RBFOX3: variants seen among roughly 807,000 people sequenced by gnomAD.
RBFOX3 encodes the protein RNA binding fox-1 homolog 3, also known as RNA binding protein fox-1 homolog 3.
Under a neutral mutation model 48.7 loss-of-function variants are expected in RBFOX3, and 17 were observed. That is an observed-to-expected ratio of 0.35 (90% CI 0.24 to 0.52). The LOEUF (loss-of-function observed/expected upper bound fraction) is 0.52. Among genes scored for constraint, RBFOX3 ranks in the 20% least tolerant of loss-of-function variants. The pLI is 0.94. For synonymous variants in RBFOX3, 212 were observed against 209.5 expected, an observed-to-expected ratio of 1.01 and a Z score of -0.10; for missense variants, 382 against 497.5, an observed-to-expected ratio of 0.77 and a Z score of 2.21.
chr17:79,365,958 A>T (rs10445218), intron 2 of RBFOX3, among the ~76,000 whole-genome samples: 1 of 152,222 alleles, frequency 6.6e-6, no homozygotes, highest in African/African-American at 2.4e-5. Flanking sequence ...CATCAGCGTC[A>T]TGACCACGCC....
chr17:79,189,852 A>G (rs951154331), intron 4 of RBFOX3, among the ~76,000 whole-genome samples: 2 of 152,158 alleles, frequency 1.3e-5, no homozygotes, highest in African/African-American at 2.4e-5. Flanking sequence ...TTGCTTGGAG[A>G]TGATGACTCC....
chr17:79,342,027 C>T (rs1285091415), intron 2 of RBFOX3, among the ~76,000 whole-genome samples: 1 of 152,268 alleles, frequency 6.6e-6, no homozygotes, highest in Admixed American at 6.5e-5. Flanking sequence ...CCCTCCCAGC[C>T]TCCCTGTGAG....
intron 2 of RBFOX3, among the ~76,000 whole-genome samples, chr17:79,435,147 GC>G (rs1407550412): frequency 6.6e-6 from 1 of 152,144 alleles, no homozygotes; most frequent in Non-Finnish European, 1.5e-5. Flanking sequence ...CAGCGTGTCT[GC>G]CCCCCACCTC....
At position 79,391,905 on chromosome 17, in the gene RBFOX3, TTCCC is replaced by T. The variant is rs1203137583; in HGVS notation, c.-174-84085_-174-84082del. 6.6e-5 allele frequency among the ~76,000 whole-genome samples: 10 copies of T among 151,906 alleles called. No individual in the cohort carries two copies. The highest frequency in any genetic ancestry group is 2.4e-4 in the African/African-American group (10 of 41,388). ...GCTGGACAAGCCCCAGGTCCCCTCC[TTCCC>T]GGTTCTGAAGCTCACAGGTCGCGGG... On this transcript the variant is annotated intron_variant, in intron 2 of 14. Transcript: ENST00000693108. The surrounding 1 kb of genome is among the most constrained non-coding windows in gnomAD (Gnocchi z 5.0).
chr17:79,583,653 G>A (rs1487628548), intron 1 of RBFOX3, among the ~76,000 whole-genome samples: 1 of 152,218 alleles, frequency 6.6e-6, no homozygotes, highest in African/African-American at 2.4e-5. Flanking sequence ...CTGAGGCCCA[G>A]AGGAGTGCAA....
intron 9 of RBFOX3, 119 bp downstream of exon 9, chr17:79,101,465 A>T: frequency 1.1e-6 from 1 of 895,324 alleles, no homozygotes; most frequent in South Asian, 1.5e-5. Context: ...GGGCTGGGAC[A>T]CTGGGGACGG....
chr17:79,094,398 A>G, intron 14 of RBFOX3, 53 bp downstream of exon 14: 1 of 1,362,042 alleles, frequency 7.3e-7, no homozygotes, highest in Non-Finnish European at 9.9e-7. Context: ...CTCACCACCC[A>G]TGCCCAGCTG....
intron 3 of RBFOX3, among the ~76,000 whole-genome samples, chr17:79,246,396 C>T (rs2063175326): frequency 6.6e-6 from 1 of 152,256 alleles, no homozygotes; most frequent in South Asian, 2.1e-4. Context: ...TCTTGGTCAC[C>T]TCCTCTTGCT....
chr17:79,236,551 C>T (rs1262589186), intron 3 of RBFOX3, among the ~76,000 whole-genome samples: 1 of 152,160 alleles, frequency 6.6e-6, no homozygotes, highest in Non-Finnish European at 1.5e-5. Flanking sequence ...TTGCCCTGCA[C>T]ATTCATTTTA....
At chr17:79,399,048 C>T (rs1315074309) in intron 2 of RBFOX3, among the ~76,000 whole-genome samples, 1 of 152,124 alleles carries the variant, frequency 6.6e-6, no homozygotes. Context: ...ACGGCAGAGG[C>T]AGGGTTGGAG....
intron 2 of RBFOX3, among the ~76,000 whole-genome samples, chr17:79,347,227 A>G (rs2083063373): frequency 6.6e-6 from 1 of 152,192 alleles, no homozygotes. Context: ...CTGTATAATA[A>G]CTTGCTCTTT....
At chr17:79,380,861 C>T (rs921697623) in intron 2 of RBFOX3, among the ~76,000 whole-genome samples, 1 of 151,874 alleles carries the variant, frequency 6.6e-6, no homozygotes, top group African/African-American at 2.4e-5. Context: ...CGTCGCTCCA[C>T]GAGGCACCTG....
At chr17:79,461,762 G>C (rs1474733965) in intron 2 of RBFOX3, among the ~76,000 whole-genome samples, 2 of 152,234 alleles carry the variant, frequency 1.3e-5, no homozygotes, top group Non-Finnish European at 2.9e-5. Flanking sequence ...CCAATCCAAT[G>C]ACTGGCATGT....
At chr17:79,378,722 A>G (rs2059529078) in intron 2 of RBFOX3, among the ~76,000 whole-genome samples, 1 of 152,184 alleles carries the variant, frequency 6.6e-6, no homozygotes, top group Non-Finnish European at 1.5e-5. Context: ...TAATGCAGCT[A>G]CTTCACACAA....
At chr17:79,426,427 T>C (rs1311162160) in intron 2 of RBFOX3, among the ~76,000 whole-genome samples, 1 of 152,110 alleles carries the variant, frequency 6.6e-6, no homozygotes, top group Non-Finnish European at 1.5e-5. Context: ...GTGACAACAA[T>C]GAAGAGACAA....
intron 1 of RBFOX3, among the ~76,000 whole-genome samples, chr17:79,513,985 C>A (rs1599011374): frequency 1.3e-5 from 2 of 152,308 alleles, no homozygotes; most frequent in East Asian, 3.9e-4. Context: ...GGCATGTGAC[C>A]AGACCTGCCA....
At chr17:79,503,265 C>T (rs926288795) in intron 1 of RBFOX3, among the ~76,000 whole-genome samples, 7 of 152,112 alleles carry the variant, frequency 4.6e-5, no homozygotes, top group Non-Finnish European at 1.0e-4. Context: ...ATGCATGGGG[C>T]GCCCAATTCA....
intron 4 of RBFOX3, among the ~76,000 whole-genome samples, chr17:79,202,173 CCGGGGTGT>C (rs1456587954): frequency 6.6e-6 from 1 of 152,094 alleles, no homozygotes; most frequent in Non-Finnish European, 1.5e-5. Flanking sequence ...GGAAGACACC[CCGGGGTGT>C]GGTGTGATCC....
chr17:79,161,044 C>T (rs1169874597), intron 4 of RBFOX3, among the ~76,000 whole-genome samples: 1 of 151,922 alleles, frequency 6.6e-6, no homozygotes, highest in African/African-American at 2.4e-5. Context: ...CTAGCAACAC[C>T]CAGGCAAGGA....
Sources: gnomAD v4.1 joint callset for allele counts (sites outside exome capture counted in the v4.1 genomes callset) on GRCh38, gnomAD v4.1.1 for gene constraint, Gnocchi (gnomAD v3.1) non-coding constraint, MANE v1.5 for transcripts, NCBI Gene and HGNC (gene_info 2026-07-23, HGNC 2026-07-21) for gene names.